The following KIF1C variants were observed in gnomAD, a reference collection of about 807,000 sequenced individuals.
KIF1C encodes the protein kinesin-like protein KIF1C.
In KIF1C, 61 loss-of-function variants were observed where a neutral mutation model predicts 126.5. That is an observed-to-expected ratio of 0.48 (90% CI 0.39 to 0.60). The LOEUF is 0.60. KIF1C is among the 20% of genes least tolerant of loss of function. KIF1C has a pLI of 0.00. For synonymous variants in KIF1C, 640 were observed against 580.6 expected (o/e 1.10, Z -1.47); for missense variants, 1,315 against 1,489.2 (o/e 0.88, Z 1.93).
Position 5,022,815 on chromosome 17 carries a change from G to C in KIF1C, c.2628+106G>C, listed in dbSNP as rs1975123670. ...ACCTTCCCCAAGTCTGGAAAAAATTGCATTGAAGTATAGTACGTTTTTTTC... is the reference window on the plus strand; with the variant it reads ...ACCTTCCCCAAGTCTGGAAAAAATTCCATTGAAGTATAGTACGTTTTTTTC... On this transcript the variant is annotated intron_variant, in intron 22 of 22. Coordinates refer to ENST00000320785, the MANE Select transcript of KIF1C (RefSeq NM_006612.6). The surrounding 1 kb of genome is among the most constrained non-coding windows in gnomAD (Gnocchi z 4.9). 1 of 1,367,966 alleles carries C rather than the reference G, an allele frequency of 7.3e-7. No individual in the cohort carries two copies. Among genetic ancestry groups the C allele is most frequent in the Non-Finnish European group, 9.5e-7 (1 of 1,058,028 alleles). 84.7% of individuals were successfully genotyped at this position (1,367,966 alleles called of 1,614,324 possible).
At chr17:4,998,683 GCTA>G (rs1412140593) in intron 1 of KIF1C, among the ~76,000 whole-genome samples, 1 of 152,192 alleles carries the variant, frequency 6.6e-6, no homozygotes, top group Non-Finnish European at 1.5e-5. Context: ...TGTGATTCCA[GCTA>G]CTCCCTTCCT....
At chr17:5,001,430 G>A in intron 5 of KIF1C, 29 bp downstream of exon 5, 5 of 1,607,128 alleles carry the variant, frequency 3.1e-6, no homozygotes, top group Non-Finnish European at 3.4e-6. Context: ...GGGGCAGCCA[G>A]GGCAGGAGCA....
chr17:5,010,537 A>G (rs1023556371), intron 16 of KIF1C, among the ~76,000 whole-genome samples: 2 of 151,920 alleles, frequency 1.3e-5, no homozygotes, highest in Admixed American at 1.3e-4. Context: ...TCACGAGGTC[A>G]GGAGATCGAG....
intron 21 of KIF1C, among the ~76,000 whole-genome samples, chr17:5,021,132 T>G (rs866909256): frequency 4.2e-4 from 63 of 150,168 alleles, no homozygotes; most frequent in Middle Eastern, 3.5e-3. Flanking sequence ...TTTCACCATA[T>G]CCAAGTACCA....
rs996435713 is a variant in KIF1C, at chr17:5,020,338, A to G, written c.1751-154A>G. Among the ~76,000 whole-genome samples, 1 of 152,200 alleles carries G rather than the reference A, an allele frequency of 6.6e-6. No homozygotes were observed. The highest frequency in any genetic ancestry group is 1.5e-5 in the Non-Finnish European group (1 of 68,024). On this transcript the variant is annotated intron_variant, in intron 19 of 22. Transcript: ENST00000320785. This position sits in a 1 kb window ranked among gnomAD's most constrained non-coding sequence, Gnocchi z 5.8. The stretch of plus-strand genomic sequence containing the variant: ...AGAATGGGGTTGGTCCCTGGGTGTC[A>G]GCCAGGGGAGCATAGGCTCCAACTG...
intron 13 of KIF1C, among the ~76,000 whole-genome samples, chr17:5,005,404 C>G (rs1331817640): frequency 6.6e-6 from 1 of 152,160 alleles, no homozygotes; most frequent in African/African-American, 2.4e-5. Flanking sequence ...GGAGTGCTTT[C>G]TGGTATGTCA....
chr17:4,999,966 G>T lies in KIF1C; in HGVS notation c.-32G>T, dbSNP rs1015809544. ...AGCCCCCCTGGTCTGGGGCCAGGAC[G>T]CCAGGTAACTGGGGGAGACCGCCCA... is the stretch of plus-strand genomic sequence containing the variant. On this transcript the variant is annotated 5_prime_UTR_variant, in exon 2 of 23. Coordinates refer to ENST00000320785, the MANE Select transcript of KIF1C (RefSeq NM_006612.6). The T allele has an allele frequency of 6.8e-6, 3 of 439,886 alleles. No individual in the cohort carries two copies. The highest frequency in any genetic ancestry group is 4.3e-5 in the East Asian group (1 of 23,226). The allele number at this position is 439,886 out of a possible 1,614,324, so 27.2% of individuals were successfully genotyped here. A position where few individuals can be genotyped will look rare whatever the true frequency, so the allele number is the denominator to read the frequency against.
Position 5,001,135 on chromosome 17 carries a change from G to T in KIF1C, c.184-87G>T, listed in dbSNP as rs990394404. 2.9e-6 allele frequency: 4 copies of T among 1,390,574 alleles called. No individual in the cohort carries two copies. In the African/African-American group the frequency reaches 5.7e-5, roughly 20 times the overall value. 86.1% of individuals were successfully genotyped at this position (1,390,574 alleles called of 1,614,324 possible). On this transcript the variant is annotated intron_variant, in intron 4 of 22. Transcript: ENST00000320785. ...ACAGGACATTTGGGGAATCGTCAGT[G>T]ATGGAAGCAAGACTCTTGGGACAGA...
chr17:4,998,674 G>T (rs1974467678), intron 1 of KIF1C, among the ~76,000 whole-genome samples: 1 of 152,224 alleles, frequency 6.6e-6, no homozygotes, highest in African/African-American at 2.4e-5. Flanking sequence ...GCCAGCTTCT[G>T]TGATTCCAGC....
At position 5,001,292 on chromosome 17, in the gene KIF1C, C is replaced by T; in HGVS notation, c.254C>T (p.Ala85Val). The part of the protein sequence containing the change: ...RDIGEEMLLH[A>V]FEGYNVCIFA... The stretch of plus-strand genomic sequence containing the variant: ...ATTGGAGAAGAGATGCTGCTCCACG[C>T]CTTTGAAGGCTACAACGTGTGCATC... Residue 85 changes from alanine to valine, a missense_variant, in exon 5 of 23, where the codon GCC becomes GTC. Coordinates refer to ENST00000320785, the MANE Select transcript of KIF1C (RefSeq NM_006612.6). 1.9e-6 allele frequency: 3 copies of T among 1,614,124 alleles called. No homozygotes were observed. Among genetic ancestry groups the T allele is most frequent in the Non-Finnish European group, 2.5e-6 (3 of 1,179,986 alleles).
Position 5,003,806 on chromosome 17 carries a change from T to C in KIF1C, c.799-45T>C, listed in dbSNP as rs757195773. On this transcript the variant is annotated intron_variant, in intron 9 of 22. Transcript: ENST00000320785. Reference sequence around the variant, plus strand: ...AGGTAGGAAGCGGAAGTGGATCACATTGGGAGAAGAGGGTCTCATCCCCAC... The same window carrying C: ...AGGTAGGAAGCGGAAGTGGATCACACTGGGAGAAGAGGGTCTCATCCCCAC... 12 of 1,586,672 alleles carry C rather than the reference T, an allele frequency of 7.6e-6. No homozygotes were observed. The Admixed American group carries it at 1.7e-4, about 22-fold the overall frequency.
At chr17:5,004,769 G>C in intron 12 of KIF1C, 86 bp from the exon 13 acceptor site, 1 of 1,603,094 alleles carries the variant, frequency 6.2e-7, no homozygotes, top group Non-Finnish European at 8.5e-7. Context: ...ACAATATCTT[G>C]AGACCTGGGA....
At chr17:5,005,049 C>T (rs1195425630) in intron 13 of KIF1C, 49 bp downstream of exon 13, 1 of 1,611,030 alleles carries the variant, frequency 6.2e-7, no homozygotes, top group African/African-American at 1.3e-5. Flanking sequence ...TGGCCCACCC[C>T]ATCCCTCCTC....
rs1185872046 is a variant in KIF1C at position 5,002,806 on chromosome 17, C to T, written c.684C>T (p.Arg228=). 2.5e-6 allele frequency: 4 copies of T among 1,613,738 alleles called. No individual in the cohort carries two copies. The highest frequency in any genetic ancestry group is 3.4e-6 in the Non-Finnish European group (4 of 1,179,946). ...TCTTTACCATCGTCTTCACACAGCGCTGCCATGACCAGCTCACGGGGCTGG... is the reference window on the plus strand; with the variant it reads ...TCTTTACCATCGTCTTCACACAGCGTTGCCATGACCAGCTCACGGGGCTGG... ...HAVFTIVFTQ[R]CHDQLTGLDS... The change falls in exon 8 of 23, where the codon CGC becomes CGT. Residue 228 remains arginine (R), a synonymous_variant. Transcript: ENST00000320785.
At chr17:5,001,015 G>A (rs1044472927) in intron 4 of KIF1C, among the ~76,000 whole-genome samples, 167 bp downstream of exon 4, 5 of 152,120 alleles carry the variant, frequency 3.3e-5, no homozygotes, top group Non-Finnish European at 5.9e-5. Flanking sequence ...TTGAGGCCTC[G>A]ACAGGAAGGC....
At position 5,024,265 on chromosome 17, in the gene KIF1C, G is replaced by C. The variant is rs1975163994; in HGVS notation, c.*114G>C. ...GCAGGGAGGCCCAGGAGATGAGAGA[G>C]AAGGTCCGAGTAGGTGATAGAAGAC... On this transcript the variant is annotated 3_prime_UTR_variant, in exon 23 of 23. Transcript: ENST00000320785. 1.3e-6 allele frequency: 1 copy of C among 759,088 alleles called. No individual in the cohort carries two copies. 47.0% of individuals were successfully genotyped at this position (759,088 alleles called of 1,614,324 possible).
At position 5,000,260 on chromosome 17, in the gene KIF1C, C is replaced by T. The variant is rs747424547; in HGVS notation, c.14C>T (p.Ser5Leu). 90 of 1,573,766 alleles carry T rather than the reference C, an allele frequency of 5.7e-5. No individual in the cohort carries two copies. Among genetic ancestry groups the T allele is most frequent in the South Asian group, 1.6e-4 (14 of 85,720 alleles). Residue 5 changes from serine (S) to leucine (L), a missense_variant, in exon 3 of 23, where the codon TCG (serine) becomes TTG (leucine). Physicochemically the swap from Ser to Leu is moderately radical, Grantham distance 145 (BLOSUM62 -2). Around this residue, in one of 2 missense-constraint regions of KIF1C, gnomAD observed 874 missense variants for 1,053.2 expected, o/e 0.83. Coordinates refer to ENST00000320785, the MANE Select transcript of KIF1C (RefSeq NM_006612.6). MAGA[S>L]VKVAVRVRPF... ...GTGTCTGGAGCTATGGCTGGTGCCT[C>T]GGTGAAAGTGGCAGTGAGGGTTCGG...
In KIF1C at chr17:5,020,809, G is replaced by T; in HGVS notation, c.1941G>T (p.Leu647=). ...TTCCCTCCCTGTCCAATCCCAGGCT[G>T]CAGGATCTGGAGAATCAGTACCGGA... The part of the protein sequence containing the change: ...IDIKLEMEKR[L]QDLENQYRKE... The change falls in exon 21 of 23, where the codon CTG becomes CTT. Residue 647 remains leucine, a synonymous_variant. Coordinates refer to ENST00000320785, the MANE Select transcript of KIF1C (RefSeq NM_006612.6). This position sits in a 1 kb window ranked among gnomAD's most constrained non-coding sequence, Gnocchi z 5.8. 2 of 1,594,842 alleles carry T rather than the reference G, an allele frequency of 1.3e-6. No individual in the cohort carries two copies. The highest frequency in any genetic ancestry group is 2.2e-5 in the South Asian group (2 of 89,128).
intron 18 of KIF1C, among the ~76,000 whole-genome samples, chr17:5,016,993 C>T (rs182780806): frequency 2.6e-5 from 4 of 152,078 alleles, no homozygotes; most frequent in Admixed American, 2.6e-4. Flanking sequence ...GGTTCAAGTC[C>T]TCAGTGACAG....
Sources: allele counts gnomAD v4.1 joint callset (sites outside exome capture counted in the v4.1 genomes callset), GRCh38; gene constraint gnomAD v4.1.1; regional missense constraint gnomAD v4.1.1; non-coding constraint Gnocchi (gnomAD v3.1); transcripts MANE v1.5; gene names NCBI Gene and HGNC (gene_info 2026-07-23, HGNC 2026-07-21).